The following SCEL variants were observed in gnomAD, a reference collection of about 807,000 sequenced individuals.
SCEL encodes sciellin.
SCEL carries 113 observed loss-of-function variants against 117.6 expected under a neutral mutation model. The ratio of observed to expected loss-of-function variants is 0.96; its 90% CI spans 0.83 to 1.12. SCEL has a LOEUF of 1.12. Ranked by LOEUF, SCEL falls within the 50% of genes most tolerant of loss-of-function variation. SCEL has a pLI of 0.00. For synonymous variants in SCEL, 270 were observed against 256.2 expected (o/e 1.05, Z -0.51); for missense variants, 785 against 810.8 (o/e 0.97, Z 0.39).
At chr13:77,604,501 A>C (rs2087972129) in intron 19 of SCEL, 86 bp downstream of exon 19, 5 of 1,115,264 alleles carry the variant, frequency 4.5e-6, no homozygotes, top group Admixed American at 2.8e-5. Flanking sequence ...AGGACAGTAA[A>C]TTGGAATTCA....
At position 77,627,986 on chromosome 13, in the gene SCEL, T is replaced by C; in HGVS notation, c.1668T>C (p.His556=). ...NLENLIEVNS[H]VSENKNGSSN... ...AAAATTTAATTGAAGTAAATTCTCA[T>C]GTGTCTGAAAACAAGAATGGAAGGT... The change falls in exon 28 of 33, where the codon CAT becomes CAC. Residue 556 remains histidine (H), a synonymous_variant. Transcript: ENST00000349847. 6.6e-7 allele frequency: 1 copy of C among 1,511,322 alleles called. No individual in the cohort carries two copies. The highest frequency in any genetic ancestry group is 9.0e-7 in the Non-Finnish European group (1 of 1,113,328). The allele number at this position is 1,511,322 out of a possible 1,614,324, so 93.6% of individuals were successfully genotyped here.
intron 1 of SCEL, among the ~76,000 whole-genome samples, chr13:77,548,856 TA>T (rs1338029282): frequency 6.6e-6 from 1 of 152,224 alleles, no homozygotes. Context: ...GTGATCCAAT[TA>T]AACCTCTTTC....
At chr13:77,633,445 A>AAAAAAAAAACAAAAACAAAAAC (rs2090126628) in intron 28 of SCEL, among the ~76,000 whole-genome samples, 1 of 127,426 alleles carries the variant, frequency 7.8e-6, no homozygotes, top group Non-Finnish European at 1.5e-5. Flanking sequence ...TCCGCCTCAA[A>AAAAAAAAAACAAAAACAAAAAC]AAAAAAAAAA....
intron 1 of SCEL, among the ~76,000 whole-genome samples, chr13:77,551,964 G>A (rs1390073786): frequency 2.0e-5 from 3 of 149,964 alleles, no homozygotes; most frequent in South Asian, 2.1e-4. Flanking sequence ...TTGTTCTTAC[G>A]ATAGTTTACT....
At chr13:77,593,263 T>TGG (rs2086987066) in intron 11 of SCEL, among the ~76,000 whole-genome samples, 1 of 89,604 alleles carries the variant, frequency 1.1e-5, no homozygotes, top group South Asian at 3.4e-4. Flanking sequence ...GAGGGGAGTG[T>TGG]GTGTGTGTGT....
intron 19 of SCEL, among the ~76,000 whole-genome samples, chr13:77,605,090 T>G (rs1165140275): frequency 1.3e-5 from 2 of 152,224 alleles, no homozygotes; most frequent in Admixed American, 6.5e-5. Context: ...TTTTATTTCT[T>G]ATAAGGCAGA....
chr13:77,578,564 C>A (rs1306756800), intron 9 of SCEL, among the ~76,000 whole-genome samples: 3 of 152,134 alleles, frequency 2.0e-5, no homozygotes, highest in Non-Finnish European at 4.4e-5. Flanking sequence ...TCTGGGAGAT[C>A]TGATGTTGTA....
chr13:77,552,394 G>C (rs1353390245), intron 1 of SCEL, among the ~76,000 whole-genome samples: 1 of 151,906 alleles, frequency 6.6e-6, no homozygotes, highest in South Asian at 2.1e-4. Context: ...ATTCTAACTG[G>C]TGTGAGATGG....
At chr13:77,554,033 A>T (rs1329321450) in intron 1 of SCEL, among the ~76,000 whole-genome samples, 1 of 152,032 alleles carries the variant, frequency 6.6e-6, no homozygotes, top group Non-Finnish European at 1.5e-5. Flanking sequence ...TCCACATCTT[A>T]GGTCAGGTTT....
chr13:77,593,403 G>T, intron 11 of SCEL, 111 bp from the exon 12 acceptor site: 1 of 729,164 alleles, frequency 1.4e-6, no homozygotes, highest in Non-Finnish European at 2.3e-6. Context: ...AGTAATTCCT[G>T]AACACCACCT....
chr13:77,606,221 C>A (rs1042251056), intron 19 of SCEL, among the ~76,000 whole-genome samples: 23 of 152,060 alleles, frequency 1.5e-4, no homozygotes, highest in Non-Finnish European at 2.8e-4. Context: ...TATGTATGCA[C>A]AATGCTTGTG....
chr13:77,595,726 G>C (rs970759322), intron 12 of SCEL, among the ~76,000 whole-genome samples: 6 of 152,130 alleles, frequency 3.9e-5, no homozygotes, highest in Non-Finnish European at 8.8e-5. Context: ...CAAGGGACTG[G>C]GTAGTGTTTG....
At chr13:77,536,160 T>C (rs1176838602) in intron 1 of SCEL, among the ~76,000 whole-genome samples, 1 of 152,204 alleles carries the variant, frequency 6.6e-6, no homozygotes, top group African/African-American at 2.4e-5. Context: ...TGCTGGTTTA[T>C]TTTCTCAAGC....
At position 77,609,173 on chromosome 13, in the gene SCEL, A is replaced by G. The variant is rs2088456178; in HGVS notation, c.1277+56A>G. 6.8e-6 allele frequency: 9 copies of G among 1,315,576 alleles called. No individual in the cohort carries two copies. The Admixed American group carries it at 2.2e-4, about 32-fold the overall frequency. 81.5% of individuals were successfully genotyped at this position (1,315,576 alleles called of 1,614,324 possible). A position where few individuals can be genotyped will look rare whatever the true frequency, so the allele number is the denominator to read the frequency against. On this transcript the variant is annotated intron_variant, in intron 21 of 32. Coordinates refer to ENST00000349847, the MANE Select transcript of SCEL (RefSeq NM_144777.3). ...CATAGTAACCAATGCCTAAAAGTAT[A>G]ATTAAAGCATCATTTCAGCTGACTG...
chr13:77,620,968 C>A (rs1594146101), intron 27 of SCEL, among the ~76,000 whole-genome samples: 1 of 152,254 alleles, frequency 6.6e-6, no homozygotes, highest in East Asian at 1.9e-4. Context: ...TTGGGGACAA[C>A]CTTGACGCTT....
rs185076396 is a variant in SCEL, at chr13:77,598,745, C to A, written c.798-584C>A. On this transcript the variant is annotated intron_variant, in intron 13 of 32. Transcript: ENST00000349847. ...TCGCCCAGGCTGGAGTGCAGTGATACAATCATAGCTCACTGCAGCCTCCAT... is the reference window on the plus strand; with the variant it reads ...TCGCCCAGGCTGGAGTGCAGTGATAAAATCATAGCTCACTGCAGCCTCCAT... Among the ~76,000 whole-genome samples the A allele has an allele frequency of 5.3e-5, 8 of 152,304 alleles. No individual in the cohort carries two copies. In the East Asian group the frequency reaches 1.3e-3, roughly 26 times the overall value.
At chr13:77,577,866 T>C (rs1334997847) in intron 9 of SCEL, among the ~76,000 whole-genome samples, 2 of 152,156 alleles carry the variant, frequency 1.3e-5, no homozygotes, top group Non-Finnish European at 2.9e-5. Context: ...TTTTGCTCAA[T>C]AGCCCCTCAC....
chr13:77,539,034 A>G (rs1478147053), intron 1 of SCEL, among the ~76,000 whole-genome samples: 4 of 152,310 alleles, frequency 2.6e-5, no homozygotes, highest in South Asian at 4.1e-4. Context: ...AGTTCTCCCC[A>G]GGGTTCCCTC....
intron 9 of SCEL, among the ~76,000 whole-genome samples, chr13:77,573,441 A>G (rs549144728): frequency 1.3e-5 from 2 of 152,302 alleles, no homozygotes; most frequent in Admixed American, 6.5e-5. Context: ...TGCTTATTTC[A>G]TATTAGATTG....
Sources: gnomAD v4.1 joint callset for allele counts (sites outside exome capture counted in the v4.1 genomes callset) on GRCh38, gnomAD v4.1.1 for gene constraint, MANE v1.5 for transcripts, NCBI Gene and HGNC (gene_info 2026-07-23, HGNC 2026-07-21) for gene names.